The following BAIAP2 variants were observed in gnomAD, a reference collection of about 807,000 sequenced individuals.
BAIAP2 encodes BAR/IMD domain-containing adapter protein 2.
BAIAP2 carries 18 observed loss-of-function variants against 63.0 expected under a neutral mutation model. The ratio of observed to expected loss-of-function variants is 0.29; its 90% CI spans 0.20 to 0.42. The LOEUF (loss-of-function observed/expected upper bound fraction) is 0.42, where lower values mean the gene tolerates loss of function less well. Among genes scored for constraint, BAIAP2 ranks in the 10% least tolerant of loss-of-function variants. BAIAP2 has a pLI of 1.00. For missense variants in BAIAP2, 610 were observed against 734.3 expected (o/e 0.83, Z 1.96); for synonymous variants, 386 against 307.6 (o/e 1.25, Z -2.67).
intron 13 of BAIAP2, among the ~76,000 whole-genome samples, chr17:81,114,136 A>ATT (rs58461450): frequency 0.016 from 1,970 of 124,586 alleles, 32 homozygotes; most frequent in African/African-American, 0.034. Flanking sequence ...CACCTGCCTA[A>ATT]TTTTTTTTTT....
At chr17:81,059,462 A>C (rs993298238) in intron 3 of BAIAP2, among the ~76,000 whole-genome samples, 1 of 152,084 alleles carries the variant, frequency 6.6e-6, no homozygotes, top group Non-Finnish European at 1.5e-5. Context: ...TTTCTTTTTC[A>C]TTAGAGACAG....
chr17:81,096,896 C>T (rs553947761), intron 6 of BAIAP2, among the ~76,000 whole-genome samples: 2 of 152,280 alleles, frequency 1.3e-5, no homozygotes, highest in East Asian at 1.9e-4. Context: ...GTTGCATAAC[C>T]AGAGGAAAAG....
chr17:81,084,003 C>A (rs1281240690), intron 3 of BAIAP2: 1 of 152,242 alleles, frequency 6.6e-6, no homozygotes, highest in Non-Finnish European at 1.5e-5. Context: ...GGGGCTGCCC[C>A]CCCGCAGGTG....
intron 13 of BAIAP2, chr17:81,110,013 G>A (rs2059713492): frequency 1.0e-6 from 1 of 985,352 alleles, no homozygotes; most frequent in Admixed American, 6.1e-5. Context: ...GTGTGTCTTG[G>A]TGACTTTAGA....
rs761583044 is a variant in BAIAP2, at chr17:81,057,954, C to A, written c.204C>A (p.Gly68=). Residue 68 remains glycine, a synonymous_variant, in exon 3 of 14, where the codon GGC becomes GGA. Coordinates refer to ENST00000428708, the MANE Select transcript of BAIAP2 (RefSeq NM_001144888.2). ...GGGAGCTGGCCAGCGAGAGCCAGGG[C>A]TCCAAAGAACTCGGTGAGACCCCCC... ...KMGELASESQ[G]SKELGDVLFQ... is the part of the protein sequence containing the mutation. 50 of 1,395,654 alleles carry A rather than the reference C, an allele frequency of 3.6e-5. No homozygotes were observed. Among genetic ancestry groups the A allele is most frequent in the South Asian group, 1.2e-5 (1 of 84,090 alleles). 86.5% of individuals were successfully genotyped at this position (1,395,654 alleles called of 1,614,324 possible).
At chr17:81,074,919 C>G (rs2053403240) in intron 3 of BAIAP2, among the ~76,000 whole-genome samples, 1 of 152,242 alleles carries the variant, frequency 6.6e-6, no homozygotes, top group South Asian at 2.1e-4. Flanking sequence ...CTCTGCTATC[C>G]CTGCAACTTC....
chr17:81,108,815 A>C, intron 13 of BAIAP2: 1 of 1,267,706 alleles, frequency 7.9e-7, no homozygotes, highest in Non-Finnish European at 1.1e-6. Context: ...CCTCTGCCCC[A>C]ATCTGTGCTC....
chr17:81,113,983 G>GA (rs2060214390), intron 13 of BAIAP2, among the ~76,000 whole-genome samples: 1 of 45,600 alleles, frequency 2.2e-5, no homozygotes, highest in Non-Finnish European at 4.5e-5. Flanking sequence ...TTTTTTTTTT[G>GA]AGACAGGGTC....
At chr17:81,106,537 C>T (rs2059202350) in intron 11 of BAIAP2, among the ~76,000 whole-genome samples, 1 of 152,224 alleles carries the variant, frequency 6.6e-6, no homozygotes, top group South Asian at 2.1e-4. Context: ...CCTCTGGAGT[C>T]CTCCCGGCTT....
At chr17:81,072,867 C>T (rs1051822041) in intron 3 of BAIAP2, among the ~76,000 whole-genome samples, 1 of 152,040 alleles carries the variant, frequency 6.6e-6, no homozygotes, top group Non-Finnish European at 1.5e-5. Context: ...GCCGGGCTGT[C>T]CCGTGGGCCT....
chr17:81,051,254 A>G (rs1457371372), intron 1 of BAIAP2, among the ~76,000 whole-genome samples: 1 of 152,104 alleles, frequency 6.6e-6, no homozygotes, highest in Admixed American at 6.5e-5. Flanking sequence ...CCTTTAGATC[A>G]GAGGCCTGCG....
intron 6 of BAIAP2, among the ~76,000 whole-genome samples, chr17:81,093,436 C>T (rs1277227486): frequency 6.6e-6 from 1 of 152,138 alleles, no homozygotes; most frequent in African/African-American, 2.4e-5. Context: ...GGGTTACCTT[C>T]CCCTGTTCCC....
chr17:81,100,506 C>A (rs975273929), intron 7 of BAIAP2, among the ~76,000 whole-genome samples: 1 of 152,118 alleles, frequency 6.6e-6, no homozygotes, highest in Non-Finnish European at 1.5e-5. Flanking sequence ...GCCCCTCTAT[C>A]CACAGTCCTG....
At chr17:81,057,658 GTTC>G in intron 2 of BAIAP2, 1 of 1,347,308 alleles carries the variant, frequency 7.4e-7, no homozygotes, top group Middle Eastern at 2.7e-4. Context: ...GGTACGTTGT[GTTC>G]TTACGAGTCA....
intron 3 of BAIAP2, among the ~76,000 whole-genome samples, chr17:81,071,121 G>T (rs1452689297): frequency 6.7e-6 from 1 of 150,324 alleles, no homozygotes; most frequent in Non-Finnish European, 1.5e-5. Flanking sequence ...TCCCCCATTG[G>T]TTACCCGCTG....
intron 1 of BAIAP2, among the ~76,000 whole-genome samples, chr17:81,053,061 C>G (rs181606178): frequency 6.6e-6 from 1 of 152,134 alleles, no homozygotes; most frequent in Non-Finnish European, 1.5e-5. Flanking sequence ...ATTTATTTGG[C>G]CTTCGCAGTG....
intron 3 of BAIAP2, among the ~76,000 whole-genome samples, chr17:81,068,100 G>A (rs1429716430): frequency 6.6e-6 from 1 of 152,242 alleles, no homozygotes; most frequent in Non-Finnish European, 1.5e-5. Context: ...TGCACTTTGG[G>A]TGGTGCCAGT....
chr17:81,036,931 C>T (rs764389816), intron 1 of BAIAP2: 2 of 1,535,948 alleles, frequency 1.3e-6, no homozygotes, highest in South Asian at 1.2e-5. Flanking sequence ...AACCAGAAAG[C>T]AGGAACTTTC....
At chr17:81,059,494 C>T (rs945119468) in intron 3 of BAIAP2, among the ~76,000 whole-genome samples, 2 of 152,214 alleles carry the variant, frequency 1.3e-5, no homozygotes, top group Admixed American at 1.3e-4. Flanking sequence ...GTCGCCCAGG[C>T]TGGAATGCAG....
Sources: gnomAD v4.1 joint callset for allele counts (sites outside exome capture counted in the v4.1 genomes callset) on GRCh38, gnomAD v4.1.1 for gene constraint, MANE v1.5 for transcripts, NCBI Gene and HGNC (gene_info 2026-07-23, HGNC 2026-07-21) for gene names.